Variants in UBXN2B observed in about 807,000 individuals in gnomAD.
UBXN2B encodes the protein UBX domain protein 2B, also known as UBX domain-containing protein 2B.
A neutral mutation model predicts 37.5 loss-of-function variants in UBXN2B; 19 were observed. The observed-to-expected ratio is 0.51, with a 90% confidence interval of 0.35 to 0.74. The LOEUF is 0.74. UBXN2B is among the 30% of genes least tolerant of loss of function. The probability of loss-of-function intolerance (pLI) is 0.01; values close to 1 mark genes in which losing one functional copy is unlikely to be tolerated. For synonymous variants in UBXN2B, 145 were observed against 143.8 expected (o/e 1.01, Z -0.06); for missense variants, 370 against 393.2 (o/e 0.94, Z 0.50).
chr8:58,416,292 G>T (rs964525546), intron 1 of UBXN2B, among the ~76,000 whole-genome samples: 1 of 151,776 alleles, frequency 6.6e-6, no homozygotes, highest in Admixed American at 6.6e-5. Context: ...GTATAATTTG[G>T]TAATATTACT....
chr8:58,418,641 T>C (rs1165455007), intron 2 of UBXN2B, among the ~76,000 whole-genome samples: 1 of 152,234 alleles, frequency 6.6e-6, no homozygotes, highest in Non-Finnish European at 1.5e-5. Context: ...TTTTCCACCA[T>C]TAGTGATATG....
chr8:58,445,221 G>T (rs1319914056), intron 6 of UBXN2B, among the ~76,000 whole-genome samples: 2 of 152,122 alleles, frequency 1.3e-5, no homozygotes, highest in East Asian at 3.8e-4. Flanking sequence ...GCAATGCCAG[G>T]GTCACTAGTA....
At position 58,422,244 on chromosome 8, in the gene UBXN2B, G is replaced by T. The variant is rs1807948245; in HGVS notation, c.188+5291G>T. ...GCAATTCAAAGTTCAATGAATATTG[G>T]GGGGCAGGGATAGGGGCTGATACAC... On this transcript the variant is annotated intron_variant, in intron 2 of 7. Coordinates refer to ENST00000399598, the MANE Select transcript of UBXN2B (RefSeq NM_001077619.2). Among the ~76,000 whole-genome samples, 4 of 151,990 alleles carry T rather than the reference G, an allele frequency of 2.6e-5. No individual in the cohort carries two copies. The South Asian group carries it at 6.2e-4, about 24-fold the overall frequency.
intron 5 of UBXN2B, among the ~76,000 whole-genome samples, chr8:58,438,856 A>C (rs1808479950): frequency 6.6e-6 from 1 of 151,992 alleles, no homozygotes; most frequent in Non-Finnish European, 1.5e-5. Context: ...GTCCCCTCCA[A>C]ATCTCATGTT....
intron 4 of UBXN2B, 100 bp downstream of exon 4, chr8:58,433,343 GTTACT>G: frequency 9.7e-7 from 1 of 1,026,432 alleles, no homozygotes; most frequent in Non-Finnish European, 1.4e-6. Flanking sequence ...ATATATTTTT[GTTACT>G]TTTTAAAACA....
At chr8:58,419,695 G>C (rs1297922996) in intron 2 of UBXN2B, among the ~76,000 whole-genome samples, 2 of 152,234 alleles carry the variant, frequency 1.3e-5, no homozygotes, top group Non-Finnish European at 2.9e-5. Context: ...TTAGGAGTTA[G>C]ATAAGCACAG....
At chr8:58,441,865 C>G (rs999421699) in intron 6 of UBXN2B, among the ~76,000 whole-genome samples, 9 of 152,132 alleles carry the variant, frequency 5.9e-5, no homozygotes, top group African/African-American at 1.7e-4. Context: ...AATCTACTTG[C>G]TGGTAGTAAT....
chr8:58,434,790 A>G (rs984747034), intron 5 of UBXN2B: 1 of 1,528,468 alleles, frequency 6.5e-7, no homozygotes, highest in Non-Finnish European at 8.7e-7. Flanking sequence ...TCTTAATGTG[A>G]TAATCAGTGA....
intron 2 of UBXN2B, among the ~76,000 whole-genome samples, chr8:58,417,390 C>T (rs186645526): frequency 6.6e-6 from 1 of 152,280 alleles, no homozygotes; most frequent in Non-Finnish European, 1.5e-5. Flanking sequence ...GAAGCCACTC[C>T]ATGGAGCCTC....
intron 5 of UBXN2B, among the ~76,000 whole-genome samples, chr8:58,438,954 C>G (rs1250687363): frequency 6.6e-6 from 1 of 152,064 alleles, no homozygotes; most frequent in African/African-American, 2.4e-5. Flanking sequence ...GGTGCCATCC[C>G]CATGGTAATG....
chr8:58,434,385 T>C lies in UBXN2B; in HGVS notation c.424-10T>C. The C allele has an allele frequency of 7.9e-7, 1 of 1,266,608 alleles. No homozygotes were observed. The highest frequency in any genetic ancestry group is 1.0e-6 in the Non-Finnish European group (1 of 971,412). 78.5% of individuals were successfully genotyped at this position (1,266,608 alleles called of 1,614,324 possible). On this transcript the variant is annotated splice_polypyrimidine_tract_variant and intron_variant, in intron 4 of 7. Coordinates refer to ENST00000399598, the MANE Select transcript of UBXN2B (RefSeq NM_001077619.2). ...TATATATATATTTTTTTTTTTTCTATACCCAAAAGGTTCAGATTTTGCTTA... is the reference window on the plus strand; with the variant it reads ...TATATATATATTTTTTTTTTTTCTACACCCAAAAGGTTCAGATTTTGCTTA...
At position 58,434,517 on chromosome 8, in the gene UBXN2B, A is replaced by C. The variant is rs1397419580; in HGVS notation, c.533+13A>C. ...CTGTTAAGAGAGGGTAAGATGTATT[A>C]TTTGTATTCTATTTGTTATGTAGAG... On this transcript the variant is annotated intron_variant, in intron 5 of 7. Coordinates refer to ENST00000399598, the MANE Select transcript of UBXN2B (RefSeq NM_001077619.2). The C allele has an allele frequency of 6.6e-7, 1 of 1,506,104 alleles. No individual in the cohort carries two copies. Among genetic ancestry groups the C allele is most frequent in the South Asian group, 1.3e-5 (1 of 76,374 alleles). 93.3% of individuals were successfully genotyped at this position (1,506,104 alleles called of 1,614,324 possible).
At chr8:58,426,540 C>T in intron 2 of UBXN2B, 1 of 743,964 alleles carries the variant, frequency 1.3e-6, no homozygotes, top group African/African-American at 1.7e-5. Context: ...GGTGACAGCT[C>T]CATTTCTTCT....
In UBXN2B at chr8:58,449,273, G is replaced by A. The variant is rs557755334; in HGVS notation, c.*1722G>A. The stretch of plus-strand genomic sequence containing the variant: ...AGATTAGGACATTAACATTTTACAT[G>A]GAACATTATTCTTGCCTACTACAGT... On this transcript the variant is annotated 3_prime_UTR_variant, in exon 8 of 8. Coordinates refer to ENST00000399598, the MANE Select transcript of UBXN2B (RefSeq NM_001077619.2). 1 of 152,238 alleles carries A rather than the reference G, an allele frequency of 6.6e-6. No individual in the cohort carries two copies. The highest frequency in any genetic ancestry group is 2.4e-5 in the African/African-American group (1 of 41,534). 9.4% of individuals were successfully genotyped at this position (152,238 alleles called of 1,614,324 possible).
At chr8:58,425,590 AG>A in intron 2 of UBXN2B, 1 of 1,056,034 alleles carries the variant, frequency 9.5e-7, no homozygotes, top group Admixed American at 1.7e-5. Flanking sequence ...GCCGTAGAGA[AG>A]TATGCACTCC....
chr8:58,434,434 T>C lies in UBXN2B; in HGVS notation c.463T>C (p.Leu155=). 1 of 1,538,664 alleles carries C rather than the reference T, an allele frequency of 6.5e-7. No individual in the cohort carries two copies. The highest frequency in any genetic ancestry group is 1.3e-5 in the South Asian group (1 of 76,940). ...TAAACTGTGGAGCAATGGTTTCAGT[T>C]TAGATGATGGAGAATTGAGACCTTA... ...LLKLWSNGFS[L]DDGELRPYNE... is the part of the protein sequence containing the mutation. Residue 155 remains leucine, a synonymous_variant, in exon 5 of 8, where the codon TTA becomes CTA. Transcript: ENST00000399598.
At chr8:58,416,816 T>C (rs751266379) in intron 1 of UBXN2B, 34 bp from the exon 2 acceptor site, 14 of 1,580,320 alleles carry the variant, frequency 8.9e-6, no homozygotes, top group Non-Finnish European at 1.2e-5. Context: ...TTATTCCTAG[T>C]GTTATACTTT....
rs563944810 is a variant in UBXN2B, at chr8:58,412,889, A to T, written c.84+1420A>T. 2.3e-4 allele frequency among the ~76,000 whole-genome samples: 35 copies of T among 152,328 alleles called. No individual in the cohort carries two copies. The East Asian group carries it at 4.8e-3, about 21-fold the overall frequency. ...TCAGTTGTTGCTGGGCAAATATTTGATTCCTTTTTCCTCAGGAGAAAGATG... is the reference window on the plus strand; with the variant it reads ...TCAGTTGTTGCTGGGCAAATATTTGTTTCCTTTTTCCTCAGGAGAAAGATG... On this transcript the variant is annotated intron_variant, in intron 1 of 7. Coordinates refer to ENST00000399598, the MANE Select transcript of UBXN2B (RefSeq NM_001077619.2).
chr8:58,435,260 G>A (rs2129604352), intron 5 of UBXN2B, among the ~76,000 whole-genome samples: 1 of 152,276 alleles, frequency 6.6e-6, no homozygotes, highest in South Asian at 2.1e-4. Flanking sequence ...AATAGAAGGT[G>A]GAACATTTCC....
Sources: allele counts gnomAD v4.1 joint callset (sites outside exome capture counted in the v4.1 genomes callset), GRCh38; gene constraint gnomAD v4.1.1; transcripts MANE v1.5; gene names NCBI Gene and HGNC (gene_info 2026-07-23, HGNC 2026-07-21).